Variants in RP1 observed in about 807,000 individuals in gnomAD.
The protein encoded by RP1 is oxygen-regulated protein 1.
RP1 carries 16 observed loss-of-function variants against 14.8 expected under a neutral mutation model. The observed-to-expected ratio is 1.08, with a 90% CI of 0.73 to 1.65. The LOEUF (loss-of-function observed/expected upper bound fraction) is 1.65. Ranked by LOEUF, RP1 falls within the 40% of genes most tolerant of loss-of-function variation. The probability of loss-of-function intolerance (pLI) is 0.00; values close to 1 mark genes in which losing one functional copy is unlikely to be tolerated. For missense variants in RP1, 2,631 were observed against 2,535.0 expected, an observed-to-expected ratio of 1.04 and a Z score of -0.81; for synonymous variants, 876 against 883.6, an observed-to-expected ratio of 0.99 and a Z score of 0.15.
chr8:54,843,305 C>T (rs547361511), intron 25 of RP1, among the ~76,000 whole-genome samples: 89 of 152,296 alleles, frequency 5.8e-4, no homozygotes, highest in African/African-American at 2.0e-3. Context: ...TGGTCTCAAA[C>T]TCCTGACCTC....
intron 19 of RP1, among the ~76,000 whole-genome samples, chr8:54,751,309 G>GCCTGAAGATGAGAGGT (rs1172783371): frequency 2.0e-5 from 3 of 152,158 alleles, no homozygotes; most frequent in Non-Finnish European, 4.4e-5. Context: ...GCAAATGAGG[G>GCCTGAAGATGAGAGGT]CCTGAAGATG....
At chr8:54,799,892 G>T (rs1247655812) in intron 24 of RP1, among the ~76,000 whole-genome samples, 2 of 151,888 alleles carry the variant, frequency 1.3e-5, no homozygotes, top group Non-Finnish European at 2.9e-5. Flanking sequence ...AATTAAAAAT[G>T]AGAAAAATAA....
chr8:54,761,955 T>C (rs1371101781), intron 22 of RP1, among the ~76,000 whole-genome samples: 1 of 152,172 alleles, frequency 6.6e-6, no homozygotes, highest in East Asian at 1.9e-4. Context: ...AAGCCACTTA[T>C]AGTTACTTCT....
intron 12 of RP1, among the ~76,000 whole-genome samples, chr8:54,694,771 C>T (rs1807814516): frequency 6.6e-6 from 1 of 152,112 alleles, no homozygotes; most frequent in African/African-American, 2.4e-5. Flanking sequence ...AAAAAACCAC[C>T]TCCTGGATTC....
intron 26 of RP1, among the ~76,000 whole-genome samples, chr8:54,854,409 ATT>A (rs1236031109): frequency 6.6e-6 from 1 of 152,238 alleles, no homozygotes; most frequent in African/African-American, 2.4e-5. Context: ...TAAATTGGAT[ATT>A]GTTATAGAAA....
At chr8:54,771,395 A>C (rs1028167774), downstream of RP1, among the ~76,000 whole-genome samples, 3 of 152,038 alleles carry the variant, frequency 2.0e-5, no homozygotes, top group Non-Finnish European at 4.4e-5. Context: ...GTTATAATTA[A>C]GGCTGAAAGT....
Position 54,627,795 on chromosome 8 carries a change from C to T in RP1, c.3913C>T (p.Leu1305Phe), listed in dbSNP as rs753000004. The change falls in exon 4 of 4, where the codon CTT (leucine) becomes TTT (phenylalanine). Residue 1305 changes from leucine (L) to phenylalanine (F), a missense_variant. Transcript: ENST00000220676. ...TTGTTTCCTAGGAGAGGTCTGTTCA[C>T]TTACTGATACTGTGTTTTCTGATAA... ...KACFLGEVCS[L>F]TDTVFSDKAC... 2.5e-6 allele frequency: 4 copies of T among 1,614,158 alleles called. No individual in the cohort carries two copies. The highest frequency in any genetic ancestry group is 1.7e-5 in the Admixed American group (1 of 60,020).
At chr8:54,745,440 G>T (rs1809198780) in intron 19 of RP1, among the ~76,000 whole-genome samples, 1 of 152,150 alleles carries the variant, frequency 6.6e-6, no homozygotes, top group African/African-American at 2.4e-5. Context: ...TAACGACTTG[G>T]TTGAAATTTT....
chr8:54,632,892 G>A (rs929553456), downstream of RP1, among the ~76,000 whole-genome samples: 3 of 152,176 alleles, frequency 2.0e-5, no homozygotes, highest in Non-Finnish European at 4.4e-5. Context: ...TGAAGTACCT[G>A]AAGGGCTGAG....
intron 12 of RP1, chr8:54,697,222 T>G: frequency 1.5e-6 from 1 of 652,402 alleles, no homozygotes; most frequent in Non-Finnish European, 2.7e-6. Flanking sequence ...GATTATTTCC[T>G]GCGTTATCTT....
chr8:54,583,618 T>C (rs565805725), intron 1 of RP1, among the ~76,000 whole-genome samples: 33 of 152,342 alleles, frequency 2.2e-4, no homozygotes, highest in African/African-American at 7.9e-4. Context: ...CGGCTGTGAA[T>C]CCATCTGGTC....
At chr8:54,605,855 T>A (rs1346305589) in intron 1 of RP1, among the ~76,000 whole-genome samples, 1 of 152,130 alleles carries the variant, frequency 6.6e-6, no homozygotes, top group Non-Finnish European at 1.5e-5. Flanking sequence ...GAGACTAGGA[T>A]TGCAACCCCT....
At chr8:54,735,625 A>G (rs1808900045) in intron 18 of RP1, among the ~76,000 whole-genome samples, 1 of 152,192 alleles carries the variant, frequency 6.6e-6, no homozygotes. Context: ...TGAGCCTGTC[A>G]TTCTACTTTT....
At chr8:54,824,414 T>A (rs971900447) in intron 24 of RP1, among the ~76,000 whole-genome samples, 1 of 152,218 alleles carries the variant, frequency 6.6e-6, no homozygotes, top group Admixed American at 6.5e-5. Context: ...GGAAATTGAA[T>A]TTTTAATTTA....
In RP1 at chr8:54,629,596, A is replaced by G. The variant is rs1411629800; in HGVS notation, c.5714A>G (p.Asp1905Gly). The change falls in exon 4 of 4, where the codon GAC becomes GGC. Residue 1905 changes from aspartate (D) to glycine (G), a missense_variant. By Grantham distance (94) the Asp-to-Gly change is moderately conservative. Coordinates refer to ENST00000220676, the MANE Select transcript of RP1 (RefSeq NM_006269.2). ...NMIHGTLQEA[D>G]SLDKLYALCG... ...ATTCATGGTACACTTCAGGAAGCTG[A>G]CTCTTTGGATAAACTGTATGCTCTT... The G allele has an allele frequency of 6.2e-7, 1 of 1,613,768 alleles. No individual in the cohort carries two copies. The highest frequency in any genetic ancestry group is 8.5e-7 in the Non-Finnish European group (1 of 1,179,990).
At chr8:54,813,547 G>A (rs551241967) in intron 24 of RP1, among the ~76,000 whole-genome samples, 1 of 152,248 alleles carries the variant, frequency 6.6e-6, no homozygotes, top group African/African-American at 2.4e-5. Flanking sequence ...TGGATATAAA[G>A]GACATTTAAA....
At chr8:54,778,261 A>T (rs1341387134) in intron 23 of RP1, among the ~76,000 whole-genome samples, 2 of 151,372 alleles carry the variant, frequency 1.3e-5, no homozygotes, top group Non-Finnish European at 2.9e-5. Context: ...CAGTATAGGC[A>T]TGAGAGGGAG....
At chr8:54,766,186 C>T (rs1809756382) in intron 22 of RP1, among the ~76,000 whole-genome samples, 1 of 151,934 alleles carries the variant, frequency 6.6e-6, no homozygotes, top group African/African-American at 2.4e-5. Context: ...GTCAGCCTGT[C>T]TACAAATGGT....
At chr8:54,864,698 T>C (rs531310124) in intron 27 of RP1, among the ~76,000 whole-genome samples, 1 of 152,330 alleles carries the variant, frequency 6.6e-6, no homozygotes, top group Admixed American at 6.5e-5. Flanking sequence ...TGAATTCATT[T>C]TCTGTCCCAT....
Sources: allele counts gnomAD v4.1 joint callset (sites outside exome capture counted in the v4.1 genomes callset), GRCh38; gene constraint gnomAD v4.1.1; transcripts MANE v1.5; gene names NCBI Gene and HGNC (gene_info 2026-07-23, HGNC 2026-07-21).